Variants in CAMTA1 observed in about 807,000 individuals in gnomAD.
CAMTA1 encodes calmodulin-binding transcription activator 1.
CAMTA1 carries 27 observed loss-of-function variants against 170.9 expected under a neutral mutation model. The ratio of observed to expected loss-of-function variants is 0.16; its 90% confidence interval spans 0.12 to 0.22. The LOEUF is 0.22. CAMTA1 is among the 10% of genes least tolerant of loss of function. CAMTA1 has a pLI of 1.00. For synonymous variants in CAMTA1, 833 were observed against 891.5 expected, an observed-to-expected ratio of 0.93 and a Z score of 1.17; for missense variants, 1,619 against 2,217.2, an observed-to-expected ratio of 0.73 and a Z score of 5.42.
Position 7,044,120 on chromosome 1 carries a change from T to C in CAMTA1, c.235-47184T>C, listed in dbSNP as rs957056080. Reference sequence around the variant, plus strand: ...CATCCCCTTCAGTGGGAATTTCTCCTGGATGTCTCTGCAGAAGGCACGTGG... The same window carrying C: ...CATCCCCTTCAGTGGGAATTTCTCCCGGATGTCTCTGCAGAAGGCACGTGG... On this transcript the variant is annotated intron_variant, in intron 3 of 22. Transcript: ENST00000303635. This position sits in a 1 kb window ranked among gnomAD's most constrained non-coding sequence, Gnocchi z 5.0. Among the ~76,000 whole-genome samples, 3 of 152,250 alleles carry C rather than the reference T, an allele frequency of 2.0e-5. No homozygotes were observed. The highest frequency in any genetic ancestry group is 2.0e-4 in the Admixed American group (3 of 15,294).
intron 3 of CAMTA1, among the ~76,000 whole-genome samples, chr1:6,992,808 C>T (rs896705532): frequency 6.6e-6 from 1 of 152,232 alleles, no homozygotes; most frequent in Non-Finnish European, 1.5e-5. Context: ...TCACCTCCCA[C>T]CAGGCCCCTC....
Position 7,414,232 on chromosome 1 carries a change from A to G in CAMTA1, c.439-53598A>G, listed in dbSNP as rs973823464. On this transcript the variant is annotated intron_variant, in intron 5 of 22. Coordinates refer to ENST00000303635, the MANE Select transcript of CAMTA1 (RefSeq NM_015215.4). Reference sequence around the variant, plus strand: ...TCTAAAATTCTCTTTTTTTGGTTGTATCTCTGCCAGGCTTTGGTATCAGGA... The same window carrying G: ...TCTAAAATTCTCTTTTTTTGGTTGTGTCTCTGCCAGGCTTTGGTATCAGGA... Among the ~76,000 whole-genome samples, 377 of 152,082 alleles carry G rather than the reference A, an allele frequency of 2.5e-3. 1 individual carries two copies. The highest frequency in any genetic ancestry group is 3.7e-3 in the Admixed American group (56 of 15,268).
chr1:7,048,187 G>A (rs560471685), intron 3 of CAMTA1, among the ~76,000 whole-genome samples: 1 of 152,238 alleles, frequency 6.6e-6, no homozygotes, highest in East Asian at 1.9e-4. Flanking sequence ...TGGCTGGCTG[G>A]CCCTAGAGCT....
chr1:7,045,766 G>A (rs1705284186), intron 3 of CAMTA1, among the ~76,000 whole-genome samples: 1 of 152,238 alleles, frequency 6.6e-6, no homozygotes, highest in Non-Finnish European at 1.5e-5. Context: ...TCTAGCATCT[G>A]TTGTTGGATT....
chr1:7,705,544 G>A (rs2096509772), intron 11 of CAMTA1, among the ~76,000 whole-genome samples: 2 of 150,746 alleles, frequency 1.3e-5, no homozygotes, highest in Admixed American at 1.3e-4. Flanking sequence ...CGGCGTCGGG[G>A]CGCGCGGGGG....
chr1:7,091,688 G>T (rs1319819112), intron 4 of CAMTA1, among the ~76,000 whole-genome samples: 1 of 152,216 alleles, frequency 6.6e-6, no homozygotes, highest in Non-Finnish European at 1.5e-5. Context: ...TTGCTCGCCT[G>T]CCACTAGTGT....
intron 4 of CAMTA1, among the ~76,000 whole-genome samples, chr1:7,101,786 C>T (rs1046276160): frequency 6.7e-6 from 1 of 149,262 alleles, no homozygotes; most frequent in African/African-American, 2.5e-5. Context: ...TTGTAACACA[C>T]AATACATGTG....
intron 21 of CAMTA1, among the ~76,000 whole-genome samples, chr1:7,753,475 TTTAA>T (rs1006016780): frequency 4.6e-5 from 7 of 152,350 alleles, no homozygotes; most frequent in Admixed American, 4.6e-4. Flanking sequence ...CCTCTTCCTA[TTTAA>T]TTATACCAAA....
intron 3 of CAMTA1, among the ~76,000 whole-genome samples, chr1:6,899,528 T>A (rs759418337): frequency 6.6e-6 from 1 of 150,902 alleles, no homozygotes; most frequent in East Asian, 2.0e-4. Context: ...TAAAAAATTA[T>A]ATGTGTATAA....
At chr1:7,038,125 G>A (rs1262718386) in intron 3 of CAMTA1, among the ~76,000 whole-genome samples, 1 of 152,160 alleles carries the variant, frequency 6.6e-6, no homozygotes, top group Non-Finnish European at 1.5e-5. Context: ...GCTTACAGGA[G>A]TGTCTGCACA....
chr1:7,027,908 TC>T (rs989850636), intron 3 of CAMTA1, among the ~76,000 whole-genome samples: 3 of 151,086 alleles, frequency 2.0e-5, no homozygotes, highest in Non-Finnish European at 4.4e-5. Context: ...CTTTTTCTTT[TC>T]TTTTTTTTTT....
intron 3 of CAMTA1, among the ~76,000 whole-genome samples, chr1:7,016,040 G>C (rs1700483701): frequency 6.6e-6 from 1 of 152,176 alleles, no homozygotes; most frequent in South Asian, 2.1e-4. Context: ...CCAACATTGG[G>C]GATTACAGTT....
intron 6 of CAMTA1, among the ~76,000 whole-genome samples, chr1:7,509,185 C>CT (rs2094165349): frequency 6.6e-6 from 1 of 152,222 alleles, no homozygotes; most frequent in Non-Finnish European, 1.5e-5. Flanking sequence ...TCTGTCACCA[C>CT]TTTTTTCAAT....
intron 7 of CAMTA1, among the ~76,000 whole-genome samples, chr1:7,652,071 A>C (rs1201862778): frequency 6.7e-6 from 1 of 149,512 alleles, no homozygotes; most frequent in Non-Finnish European, 1.5e-5. Context: ...ACCCCAAATG[A>C]GGAGGCCCTG....
intron 4 of CAMTA1, among the ~76,000 whole-genome samples, chr1:7,209,281 CTG>C (rs1238161136): frequency 6.6e-6 from 1 of 152,202 alleles, no homozygotes; most frequent in African/African-American, 2.4e-5. Context: ...GGATTAGTCA[CTG>C]TGTTAATTGC....
intron 3 of CAMTA1, among the ~76,000 whole-genome samples, chr1:6,859,876 T>TA (rs1365428320): frequency 1.3e-5 from 2 of 152,172 alleles, no homozygotes; most frequent in African/African-American, 2.4e-5. Context: ...CCCAAACCCT[T>TA]ACCAATGGTA....
At chr1:6,979,118 G>A (rs1425983830) in intron 3 of CAMTA1, among the ~76,000 whole-genome samples, 2 of 152,294 alleles carry the variant, frequency 1.3e-5, no homozygotes, top group African/African-American at 2.4e-5. Context: ...AGGACAGCAG[G>A]GGAAGGAAAA....
chr1:7,126,228 G>A (rs1160964774), intron 4 of CAMTA1, among the ~76,000 whole-genome samples: 1 of 152,106 alleles, frequency 6.6e-6, no homozygotes, highest in Non-Finnish European at 1.5e-5. Flanking sequence ...TGAGATTTGG[G>A]TGGGGACACA....
chr1:7,147,486 A>ATATAC (rs1378398071), intron 4 of CAMTA1, among the ~76,000 whole-genome samples: 1 of 151,820 alleles, frequency 6.6e-6, no homozygotes, highest in East Asian at 1.9e-4. Flanking sequence ...CCATGCACAC[A>ATATAC]CAAACACACT....
Sources: gnomAD v4.1 joint callset for allele counts (sites outside exome capture counted in the v4.1 genomes callset) on GRCh38, gnomAD v4.1.1 for gene constraint, Gnocchi (gnomAD v3.1) non-coding constraint, MANE v1.5 for transcripts, NCBI Gene and HGNC (gene_info 2026-07-23, HGNC 2026-07-21) for gene names.